The following TRAP1 variants were observed in gnomAD, a reference collection of about 807,000 sequenced individuals.
TRAP1 encodes the protein heat shock protein 75 kDa, mitochondrial.
Under a neutral mutation model 89.1 loss-of-function variants are expected in TRAP1, and 102 were observed. The ratio of observed to expected loss-of-function variants is 1.15; its 90% CI spans 0.98 to 1.35. The LOEUF (loss-of-function observed/expected upper bound fraction) is 1.35, where lower values mean the gene tolerates loss of function less well. TRAP1 is among the 40% of genes most tolerant of loss of function. The pLI is 0.00. For synonymous variants in TRAP1, 508 were observed against 388.0 expected, an observed-to-expected ratio of 1.31 and a Z score of -3.64; for missense variants, 1,256 against 945.3, an observed-to-expected ratio of 1.33 and a Z score of -4.31.
At chr16:3,704,792 A>G (rs151329537) in intron 1 of TRAP1, among the ~76,000 whole-genome samples, 5 of 151,762 alleles carry the variant, frequency 3.3e-5, no homozygotes, top group Non-Finnish European at 7.4e-5. Flanking sequence ...GTTGGGAGGA[A>G]CACTTGAGGC....
intron 1 of TRAP1, among the ~76,000 whole-genome samples, chr16:3,706,235 T>C (rs536756135): frequency 3.3e-5 from 5 of 152,094 alleles, no homozygotes; most frequent in African/African-American, 4.8e-5. Context: ...ATTGTAGACA[T>C]GAGCCACTGC....
At chr16:3,694,940 G>A (rs556748931) in intron 1 of TRAP1, among the ~76,000 whole-genome samples, 40 of 152,320 alleles carry the variant, frequency 2.6e-4, no homozygotes, top group Middle Eastern at 3.4e-3. Context: ...AGGCTGGGAG[G>A]GAGGGTCTGT....
intron 1 of TRAP1, among the ~76,000 whole-genome samples, chr16:3,707,614 G>A (rs1301393111): frequency 1.3e-5 from 2 of 151,474 alleles, no homozygotes; most frequent in Non-Finnish European, 2.9e-5. Flanking sequence ...AGCACTTTGG[G>A]AGGCTGAGGT....
At chr16:3,658,364 G>GA in intron 17 of TRAP1, 134 bp from the exon 18 acceptor site, 4 of 709,962 alleles carry the variant, frequency 5.6e-6, no homozygotes, top group Non-Finnish European at 9.4e-6. Context: ...AACCTCAGGT[G>GA]ATCCCCCCGC....
chr16:3,672,278 T>C lies in TRAP1; in HGVS notation c.1165+422A>G, dbSNP rs568277262. 1.1e-4 allele frequency among the ~76,000 whole-genome samples: 17 copies of C among 152,098 alleles called. No individual in the cohort carries two copies. The East Asian group carries it at 1.4e-3, about 12-fold the overall frequency. ...TTAAGGAGGTTGCAGTGAGCCACGATTGCACCACCGCACTCCAGCCTGGGT... is the reference window on the plus strand; with the variant it reads ...TTAAGGAGGTTGCAGTGAGCCACGACTGCACCACCGCACTCCAGCCTGGGT... On this transcript the variant is annotated intron_variant, in intron 10 of 17. Coordinates refer to ENST00000246957, the MANE Select transcript of TRAP1 (RefSeq NM_016292.3).
At chr16:3,694,943 G>A (rs1257506954) in intron 1 of TRAP1, among the ~76,000 whole-genome samples, 2 of 152,210 alleles carry the variant, frequency 1.3e-5, no homozygotes, top group African/African-American at 4.8e-5. Flanking sequence ...CTGGGAGGGA[G>A]GGTCTGTTTG....
chr16:3,708,006 G>A (rs2051474165), intron 1 of TRAP1, among the ~76,000 whole-genome samples: 1 of 152,068 alleles, frequency 6.6e-6, no homozygotes, highest in South Asian at 2.1e-4. Context: ...GCAATATAGT[G>A]GGACCCCATC....
intron 1 of TRAP1, among the ~76,000 whole-genome samples, chr16:3,716,824 C>T (rs1472180501): frequency 6.6e-6 from 1 of 152,182 alleles, no homozygotes; most frequent in African/African-American, 2.4e-5. Flanking sequence ...GACACAGCTG[C>T]GTCAACGACA....
chr16:3,678,112 AC>A (rs2051024199), intron 5 of TRAP1: 1 of 158,250 alleles, frequency 6.3e-6, no homozygotes, highest in Admixed American at 6.1e-5. Flanking sequence ...GTCTGTAAGC[AC>A]CGCACAGCAC....
intron 1 of TRAP1, among the ~76,000 whole-genome samples, chr16:3,705,804 C>T (rs991174804): frequency 4.0e-5 from 6 of 151,848 alleles, no homozygotes; most frequent in Admixed American, 2.0e-4. Context: ...CTCAGCCTCC[C>T]GAGTAGCTGA....
At chr16:3,696,440 A>T (rs527799857) in intron 1 of TRAP1, among the ~76,000 whole-genome samples, 1 of 152,200 alleles carries the variant, frequency 6.6e-6, no homozygotes, top group South Asian at 2.1e-4. Context: ...GTGCACACTT[A>T]AACAGAGGAG....
At chr16:3,691,548 AC>A (rs1186539103) in intron 1 of TRAP1, among the ~76,000 whole-genome samples, 1 of 152,010 alleles carries the variant, frequency 6.6e-6, no homozygotes, top group Admixed American at 6.6e-5. Context: ...AGCACTTCCC[AC>A]ATTCGCCTCA....
chr16:3,692,981 G>A (rs962685326), intron 1 of TRAP1, among the ~76,000 whole-genome samples: 22 of 146,294 alleles, frequency 1.5e-4, no homozygotes, highest in African/African-American at 5.6e-4. Flanking sequence ...TTTTTGAGAT[G>A]GAGTCTCGCT....
intron 1 of TRAP1, among the ~76,000 whole-genome samples, chr16:3,699,134 C>T (rs1299888829): frequency 6.6e-6 from 1 of 152,100 alleles, no homozygotes; most frequent in African/African-American, 2.4e-5. Flanking sequence ...CCTTCCACCC[C>T]CCACATCCCT....
At chr16:3,695,215 G>T (rs1019227229) in intron 1 of TRAP1, among the ~76,000 whole-genome samples, 4 of 152,078 alleles carry the variant, frequency 2.6e-5, no homozygotes, top group Non-Finnish European at 5.9e-5. Context: ...AACATCTTTC[G>T]TGGGGAGACA....
chr16:3,663,297 G>A (rs2050731082), intron 14 of TRAP1, 127 bp downstream of exon 14: 12 of 1,276,518 alleles, frequency 9.4e-6, no homozygotes, highest in Middle Eastern at 2.4e-4. Flanking sequence ...CTCCCACAAG[G>A]CTCTTCTCGG....
chr16:3,697,863 A>G (rs1301815998), intron 1 of TRAP1, among the ~76,000 whole-genome samples: 2 of 149,992 alleles, frequency 1.3e-5, no homozygotes, highest in Non-Finnish European at 3.0e-5. Context: ...ATCTCGGCTC[A>G]CTGCAACCTC....
At chr16:3,694,235 G>C (rs1036261452) in intron 1 of TRAP1, among the ~76,000 whole-genome samples, 1 of 152,096 alleles carries the variant, frequency 6.6e-6, no homozygotes, top group African/African-American at 2.4e-5. Flanking sequence ...AGGAATACTG[G>C]AGTTAGGCCC....
At chr16:3,707,107 C>T (rs1252637442) in intron 1 of TRAP1, among the ~76,000 whole-genome samples, 1 of 151,586 alleles carries the variant, frequency 6.6e-6, no homozygotes, top group East Asian at 1.9e-4. Flanking sequence ...GAAGTGCTAA[C>T]TCACTGTAGT....
Sources: allele counts gnomAD v4.1 joint callset (sites outside exome capture counted in the v4.1 genomes callset), GRCh38; gene constraint gnomAD v4.1.1; transcripts MANE v1.5; gene names NCBI Gene and HGNC (gene_info 2026-07-23, HGNC 2026-07-21).